KCNQ3: variants seen among roughly 807,000 people sequenced by gnomAD.
KCNQ3 encodes potassium voltage-gated channel subfamily KQT member 3.
Under a neutral mutation model 92.5 loss-of-function variants are expected in KCNQ3, and 30 were observed. The observed-to-expected ratio is 0.32, with a 90% CI of 0.24 to 0.44. The LOEUF is 0.44. KCNQ3 is among the 20% of genes least tolerant of loss of function. The probability of loss-of-function intolerance (pLI) is 1.00; values close to 1 mark genes in which losing one functional copy is unlikely to be tolerated. For synonymous variants in KCNQ3, 450 were observed against 468.8 expected (o/e 0.96, Z 0.52); for missense variants, 913 against 1,140.3 (o/e 0.80, Z 2.87).
At chr8:132,452,972 C>T (rs1821856029) in intron 1 of KCNQ3, among the ~76,000 whole-genome samples, 1 of 152,154 alleles carries the variant, frequency 6.6e-6, no homozygotes, top group African/African-American at 2.4e-5. Flanking sequence ...ATAATTACAG[C>T]TCATGACAGG....
intron 4 of KCNQ3, 125 bp downstream of exon 4, chr8:132,180,026 CCTCTTT>C: frequency 9.6e-7 from 1 of 1,042,890 alleles, no homozygotes; most frequent in Non-Finnish European, 1.5e-6. Flanking sequence ...TCCTCCTCTT[CCTCTTT>C]GTCGTTATCA....
intron 1 of KCNQ3, among the ~76,000 whole-genome samples, chr8:132,377,930 C>T (rs1252181240): frequency 2.6e-5 from 4 of 152,122 alleles, no homozygotes; most frequent in Non-Finnish European, 5.9e-5. Flanking sequence ...GATACCAATG[C>T]CATTGCCACA....
At chr8:132,131,999 A>T (rs1404466428) in intron 14 of KCNQ3, among the ~76,000 whole-genome samples, 181 bp downstream of exon 14, 2 of 152,054 alleles carry the variant, frequency 1.3e-5, no homozygotes, top group Admixed American at 6.5e-5. Flanking sequence ...GAGGCAGGAG[A>T]ATCACTTGAA....
At chr8:132,319,997 GTGAA>G (rs1376281512) in intron 1 of KCNQ3, among the ~76,000 whole-genome samples, 1 of 152,160 alleles carries the variant, frequency 6.6e-6, no homozygotes, top group East Asian at 1.9e-4. Context: ...GAACTACCTG[GTGAA>G]TGAATGAATG....
intron 1 of KCNQ3, among the ~76,000 whole-genome samples, chr8:132,339,328 A>C (rs931554249): frequency 6.6e-6 from 1 of 152,176 alleles, no homozygotes; most frequent in Non-Finnish European, 1.5e-5. Flanking sequence ...TCATTCCACC[A>C]ACTCGAACTG....
Position 132,303,677 on chromosome 8 carries a change from T to TATATATATATATATATATAC in KCNQ3, c.387-117497_387-117496insGTATATATATATATATATAT, listed in dbSNP as rs376933089. Among the ~76,000 whole-genome samples the TATATATATATATATATATAC allele has an allele frequency of 1.2e-3, 105 of 85,998 alleles. 2 individuals carry two copies. Among genetic ancestry groups the TATATATATATATATATATAC allele is most frequent in the African/African-American group, 4.7e-3 (105 of 22,188 alleles). The allele number at this position is 85,998 out of a possible 152,430, so 56.4% of individuals were successfully genotyped here. On this transcript the variant is annotated intron_variant, in intron 1 of 14. Coordinates refer to ENST00000388996, the MANE Select transcript of KCNQ3 (RefSeq NM_004519.4). ...TTTATGGTGTGTGTGTATATATATA[T>TATATATATATATATATATAC]ACACACACACAGCCACACCACACAC...
chr8:132,328,781 A>G (rs936274087), intron 1 of KCNQ3, among the ~76,000 whole-genome samples: 1 of 152,000 alleles, frequency 6.6e-6, no homozygotes, highest in Admixed American at 6.6e-5. Context: ...CTGGTTCCTA[A>G]AAGTATCCAC....
At chr8:132,472,311 CATGTATATTGCAGCAGT>C (rs1169158305) in intron 1 of KCNQ3, among the ~76,000 whole-genome samples, 2 of 152,130 alleles carry the variant, frequency 1.3e-5, no homozygotes. Flanking sequence ...CCTGCACTCT[CATGTATATTGCAGCAGT>C]ATTCCCAATA....
At chr8:132,437,107 G>A (rs1398151619) in intron 1 of KCNQ3, among the ~76,000 whole-genome samples, 3 of 151,502 alleles carry the variant, frequency 2.0e-5, no homozygotes, top group Non-Finnish European at 2.9e-5. Context: ...GTGAAACCCC[G>A]TCTCTACTAA....
intron 1 of KCNQ3, among the ~76,000 whole-genome samples, chr8:132,353,460 T>C (rs1323240843): frequency 6.6e-6 from 1 of 152,208 alleles, no homozygotes; most frequent in East Asian, 1.9e-4. Context: ...AAACTTTGGC[T>C]CTTTCACTGA....
chr8:132,141,025 TG>T, intron 10 of KCNQ3, 103 bp downstream of exon 10: 1 of 1,024,796 alleles, frequency 9.8e-7, no homozygotes, highest in Non-Finnish European at 1.5e-6. Context: ...AGTTACCTTG[TG>T]GAGTCAAAGG....
chr8:132,363,147 G>T (rs1471907740), intron 1 of KCNQ3, among the ~76,000 whole-genome samples: 1 of 152,152 alleles, frequency 6.6e-6, no homozygotes, highest in African/African-American at 2.4e-5. Flanking sequence ...ACTTGTAGGA[G>T]AGCTAACAAG....
intron 1 of KCNQ3, among the ~76,000 whole-genome samples, chr8:132,255,479 T>C (rs537045090): frequency 6.6e-6 from 1 of 152,338 alleles, no homozygotes; most frequent in South Asian, 2.1e-4. Context: ...TTTTCCTACA[T>C]ATTCCTGGGA....
chr8:132,229,181 G>A lies in KCNQ3; in HGVS notation c.387-43000C>T, dbSNP rs560592738. ...AGGCAGGAGAATCACTTGAACCCGG[G>A]AGGAAGAGGTTGCAGTGAGCTGAGA... On this transcript the variant is annotated intron_variant, in intron 1 of 14. Coordinates refer to ENST00000388996, the MANE Select transcript of KCNQ3 (RefSeq NM_004519.4). Among the ~76,000 whole-genome samples the A allele has an allele frequency of 2.6e-5, 4 of 152,002 alleles. No homozygotes were observed. The South Asian group carries it at 8.3e-4, about 32-fold the overall frequency.
chr8:132,444,648 C>T (rs775593893), intron 1 of KCNQ3, among the ~76,000 whole-genome samples: 25 of 152,190 alleles, frequency 1.6e-4, no homozygotes, highest in Non-Finnish European at 3.2e-4. Flanking sequence ...CTACAGAATG[C>T]TACGGGGAAT....
intron 1 of KCNQ3, among the ~76,000 whole-genome samples, chr8:132,317,071 G>T (rs554895969): frequency 6.6e-6 from 1 of 152,082 alleles, no homozygotes; most frequent in African/African-American, 2.4e-5. Context: ...TCTTTTTTCA[G>T]TTCCCAAATT....
chr8:132,249,815 G>C (rs1163898804), intron 1 of KCNQ3, among the ~76,000 whole-genome samples: 1 of 152,206 alleles, frequency 6.6e-6, no homozygotes, highest in African/African-American at 2.4e-5. Flanking sequence ...AGAGGCAGCT[G>C]AGTCCTGGCA....
At chr8:132,360,164 A>T (rs1273470646) in intron 1 of KCNQ3, among the ~76,000 whole-genome samples, 1 of 152,162 alleles carries the variant, frequency 6.6e-6, no homozygotes, top group Non-Finnish European at 1.5e-5. Flanking sequence ...CACAGCCTGC[A>T]AATCTCTAGC....
chr8:132,132,210 C>A lies in KCNQ3; in HGVS notation c.1854G>T (p.Met618Ile), dbSNP rs1220517722. The change falls in exon 14 of 15, where the codon ATG (methionine) becomes ATT (isoleucine). Residue 618 changes from methionine to isoleucine, a missense_variant. Met to Ile is a conservative substitution (Grantham distance 10, BLOSUM62 1). Around this residue, in one of 6 missense-constraint regions of KCNQ3, gnomAD observed 375 missense variants for 376.4 expected, o/e 1.00. Coordinates refer to ENST00000388996, the MANE Select transcript of KCNQ3 (RefSeq NM_004519.4). ...TTTCAACTTTTACAAACTTCCCCAT[C>A]ATGCTTTGGTCTTCGATTTCTGATG... is the stretch of plus-strand genomic sequence containing the variant. Reference protein sequence around the residue: ...PSTSEIEDQSMMGKFVKVERQ... With the variant: ...PSTSEIEDQSIMGKFVKVERQ... 1 of 1,613,748 alleles carries A rather than the reference C, an allele frequency of 6.2e-7. No individual in the cohort carries two copies. The highest frequency in any genetic ancestry group is 8.5e-7 in the Non-Finnish European group (1 of 1,179,606).
Sources: gnomAD v4.1 joint callset for allele counts (sites outside exome capture counted in the v4.1 genomes callset) on GRCh38, gnomAD v4.1.1 for gene constraint, gnomAD v4.1.1 regional missense constraint, MANE v1.5 for transcripts, NCBI Gene and HGNC (gene_info 2026-07-23, HGNC 2026-07-21) for gene names.